SUMF1: variants seen among roughly 807,000 people sequenced by gnomAD.
The protein encoded by SUMF1 is formylglycine-generating enzyme.
In SUMF1, 48 loss-of-function variants were observed where a neutral mutation model predicts 47.6. That is an observed-to-expected ratio of 1.01 (90% CI 0.80 to 1.28). SUMF1 has a LOEUF of 1.28. Ranked by LOEUF, SUMF1 falls within the 50% of genes most tolerant of loss-of-function variation. The probability of loss-of-function intolerance (pLI) is 0.00; values close to 1 mark genes in which losing one functional copy is unlikely to be tolerated. For synonymous variants in SUMF1, 230 were observed against 192.1 expected, an observed-to-expected ratio of 1.20 and a Z score of -1.63; for missense variants, 571 against 485.4, an observed-to-expected ratio of 1.18 and a Z score of -1.66.
At chr3:4,271,591 T>A (rs139354098) in intron 8 of SUMF1, among the ~76,000 whole-genome samples, 1 of 152,068 alleles carries the variant, frequency 6.6e-6, no homozygotes, top group African/African-American at 2.4e-5. Context: ...AGTCTTGAAA[T>A]CCCAGGCTCA....
At chr3:4,185,860 A>G (rs1437207760) in intron 8 of SUMF1, among the ~76,000 whole-genome samples, 2 of 152,164 alleles carry the variant, frequency 1.3e-5, no homozygotes, top group East Asian at 3.8e-4. Context: ...TTGTTTTTTC[A>G]GGAATGTTCC....
chr3:4,282,857 T>C (rs1701041311), intron 8 of SUMF1, among the ~76,000 whole-genome samples: 1 of 152,198 alleles, frequency 6.6e-6, no homozygotes, highest in African/African-American at 2.4e-5. Flanking sequence ...CAAAAATGTC[T>C]TCATTGATTG....
intron 8 of SUMF1, among the ~76,000 whole-genome samples, chr3:4,171,703 G>A (rs1041244252): frequency 2.0e-5 from 3 of 152,142 alleles, no homozygotes; most frequent in Non-Finnish European, 4.4e-5. Flanking sequence ...AAGAATGACT[G>A]ATGTTCCAGA....
At chr3:4,281,487 G>A (rs915431045) in intron 8 of SUMF1, among the ~76,000 whole-genome samples, 4 of 152,004 alleles carry the variant, frequency 2.6e-5, no homozygotes, top group African/African-American at 9.7e-5. Flanking sequence ...CATTTTTACA[G>A]GTAAAGTAAC....
At chr3:4,222,874 G>A (rs1327373689) in intron 8 of SUMF1, among the ~76,000 whole-genome samples, 1 of 152,088 alleles carries the variant, frequency 6.6e-6, no homozygotes, top group Non-Finnish European at 1.5e-5. Flanking sequence ...GGAGAAGCCA[G>A]GTACACAGAT....
intron 1 of SUMF1, among the ~76,000 whole-genome samples, chr3:4,459,601 T>C (rs889694158): frequency 2.6e-5 from 4 of 152,206 alleles, no homozygotes; most frequent in East Asian, 3.8e-4. Flanking sequence ...AAATTAGTAA[T>C]AAATGTGTTT....
intron 8 of SUMF1, among the ~76,000 whole-genome samples, chr3:4,254,850 A>C (rs1205233779): frequency 1.3e-5 from 2 of 152,072 alleles, no homozygotes; most frequent in African/African-American, 2.4e-5. Context: ...AAAAATATTA[A>C]GGGCAGCCAG....
chr3:4,379,301 T>C (rs893758555), intron 7 of SUMF1, among the ~76,000 whole-genome samples: 1 of 152,204 alleles, frequency 6.6e-6, no homozygotes, highest in African/African-American at 2.4e-5. Context: ...TAAGATCATA[T>C]TGGATTAGGG....
At chr3:4,454,025 A>G (rs551501750) in intron 1 of SUMF1, among the ~76,000 whole-genome samples, 1 of 152,244 alleles carries the variant, frequency 6.6e-6, no homozygotes, top group East Asian at 1.9e-4. Flanking sequence ...ATTATTTTTA[A>G]AAGCACATGT....
chr3:4,242,984 C>T (rs144474105), intron 8 of SUMF1, among the ~76,000 whole-genome samples: 2,244 of 152,268 alleles, frequency 0.015, 26 homozygotes, highest in Non-Finnish European at 0.023. Flanking sequence ...GATTCAACTT[C>T]TTCCTTGTTT....
chr3:4,162,147 T>C (rs58060288), intron 8 of SUMF1, among the ~76,000 whole-genome samples: 4,075 of 152,164 alleles, frequency 0.027, 281 homozygotes, highest in East Asian at 0.18. Flanking sequence ...CTCTGTCTAA[T>C]GCCCTATCCT....
intron 8 of SUMF1, among the ~76,000 whole-genome samples, chr3:4,298,901 C>A (rs1467897370): frequency 1.3e-5 from 2 of 152,190 alleles, no homozygotes; most frequent in Non-Finnish European, 2.9e-5. Flanking sequence ...TCTTTCCTAT[C>A]CACATCTTTC....
chr3:4,338,083 A>C (rs1005071734), intron 8 of SUMF1, among the ~76,000 whole-genome samples: 1 of 152,192 alleles, frequency 6.6e-6, no homozygotes, highest in Non-Finnish European at 1.5e-5. Flanking sequence ...TGACAACTAA[A>C]TTATTGACTA....
At chr3:4,444,309 G>C (rs879496805) in intron 3 of SUMF1, among the ~76,000 whole-genome samples, 1 of 152,210 alleles carries the variant, frequency 6.6e-6, no homozygotes, top group Non-Finnish European at 1.5e-5. Context: ...ACTTCCTGAA[G>C]AATCTAGTTG....
intron 1 of SUMF1, among the ~76,000 whole-genome samples, chr3:4,453,602 C>T (rs953682606): frequency 4.4e-4 from 66 of 151,146 alleles, no homozygotes; most frequent in African/African-American, 1.5e-3. Context: ...GGCACAATCA[C>T]GGCTCACTGC....
At chr3:4,242,487 T>C (rs1232980293) in intron 8 of SUMF1, among the ~76,000 whole-genome samples, 1 of 152,202 alleles carries the variant, frequency 6.6e-6, no homozygotes, top group African/African-American at 2.4e-5. Context: ...CATGAAACAC[T>C]GTTGAATTTT....
rs1559312800 is a variant in SUMF1, at chr3:4,456,873, T to TATATA, written c.271-3825_271-3824insTATAT. ...GTGTGTATATATATGTGTGTGTATA[T>TATATA]CTATATGTGTGTGTATATATATGTG... On this transcript the variant is annotated intron_variant, in intron 1 of 8. Transcript: ENST00000272902. Among the ~76,000 whole-genome samples, 33 of 104,952 alleles carry TATATA rather than the reference T, an allele frequency of 3.1e-4. 2 individuals are homozygous for TATATA. The highest frequency in any genetic ancestry group is 5.5e-4 in the African/African-American group (16 of 29,230). 68.9% of individuals were successfully genotyped at this position (104,952 alleles called of 152,430 possible). A position where few individuals can be genotyped will look rare whatever the true frequency, so the allele number is the denominator to read the frequency against.
intron 8 of SUMF1, among the ~76,000 whole-genome samples, chr3:4,167,451 T>C (rs1383866250): frequency 6.6e-6 from 1 of 152,148 alleles, no homozygotes; most frequent in Non-Finnish European, 1.5e-5. Flanking sequence ...GATTGGTCCA[T>C]TTTACAGGGT....
chr3:4,252,761 G>A lies in SUMF1; in HGVS notation c.1014+123569C>T, dbSNP rs181738866. Among the ~76,000 whole-genome samples the A allele has an allele frequency of 7.2e-5, 11 of 151,978 alleles. No individual in the cohort carries two copies. In the East Asian group the frequency reaches 2.1e-3, roughly 29 times the overall value. ...AAGTACAGTGAAAAATAGTAGCAAA[G>A]CAAAGAACTTTACCTCCAAGAAAAA... is the stretch of plus-strand genomic sequence containing the variant. On this transcript the variant is annotated intron_variant and NMD_transcript_variant, in intron 8 of 12. Coordinates refer to the SUMF1 transcript ENST00000448413.
Sources: allele counts gnomAD v4.1 joint callset (sites outside exome capture counted in the v4.1 genomes callset), GRCh38; gene constraint gnomAD v4.1.1; transcripts MANE v1.5; gene names NCBI Gene and HGNC (gene_info 2026-07-23, HGNC 2026-07-21).